Variants in ENPP2 observed in about 807,000 individuals in gnomAD.
The protein encoded by ENPP2 is ectonucleotide pyrophosphatase/phosphodiesterase 2.
Under a neutral mutation model 120.2 loss-of-function variants are expected in ENPP2, and 51 were observed. The ratio of observed to expected loss-of-function variants is 0.42; its 90% CI spans 0.34 to 0.54. The LOEUF is 0.54. Ranked by LOEUF, ENPP2 falls within the 20% of genes least tolerant of loss-of-function variation. The probability of loss-of-function intolerance (pLI) is 0.04; values close to 1 mark genes in which losing one functional copy is unlikely to be tolerated. For missense variants in ENPP2, 920 were observed against 1,066.5 expected, an observed-to-expected ratio of 0.86 and a Z score of 1.91; for synonymous variants, 365 against 366.4, an observed-to-expected ratio of 1.00 and a Z score of 0.04.
intron 3 of ENPP2, among the ~76,000 whole-genome samples, chr8:119,626,076 G>A (rs1816252639): frequency 6.6e-6 from 1 of 152,148 alleles, no homozygotes; most frequent in Non-Finnish European, 1.5e-5. Context: ...TACACAATTA[G>A]GCCAGGCACA....
chr8:119,649,766 T>G (rs1250653097), intron 1 of ENPP2, among the ~76,000 whole-genome samples: 1 of 152,176 alleles, frequency 6.6e-6, no homozygotes, highest in Non-Finnish European at 1.5e-5. Flanking sequence ...AATAGACATT[T>G]CTCCAAAGAA....
intron 11 of ENPP2, among the ~76,000 whole-genome samples, chr8:119,597,980 T>A (rs1814021741): frequency 1.3e-5 from 2 of 152,242 alleles, no homozygotes; most frequent in African/African-American, 4.8e-5. Flanking sequence ...TTTTCTTATA[T>A]GTAAAAGATA....
intron 1 of ENPP2, among the ~76,000 whole-genome samples, chr8:119,657,165 T>C (rs867084567): frequency 3.9e-5 from 6 of 152,288 alleles, no homozygotes; most frequent in Middle Eastern, 6.8e-3. Context: ...CCTCAGGTGA[T>C]CCACCCTCCT....
intron 1 of ENPP2, among the ~76,000 whole-genome samples, chr8:119,652,651 C>A (rs78236013): frequency 3.3e-5 from 5 of 152,242 alleles, no homozygotes; most frequent in Admixed American, 3.3e-4. Context: ...TATTCTCCAG[C>A]TTCCTAAGCA....
chr8:119,586,986 G>GC, intron 14 of ENPP2, 58 bp downstream of exon 14: 1 of 1,510,784 alleles, frequency 6.6e-7, no homozygotes. Context: ...CAGGAGGGAG[G>GC]CTGCTCCAGG....
In ENPP2 at chr8:119,661,533, G is replaced by T. The variant is rs556916202; in HGVS notation, c.21+11719C>A. Among the ~76,000 whole-genome samples, 4 of 152,212 alleles carry T rather than the reference G, an allele frequency of 2.6e-5. No homozygotes were observed. The East Asian group carries it at 7.8e-4, about 29-fold the overall frequency. ...AAGAAAGACAACAAGTGTTGGCAAG[G>T]GTGTGGAGAAAAGGAAACCCTTGTG... On this transcript the variant is annotated intron_variant, in intron 1 of 25. Coordinates refer to the ENPP2 transcript ENST00000427067.
chr8:119,651,691 T>C (rs2130875263), intron 1 of ENPP2, among the ~76,000 whole-genome samples: 1 of 152,302 alleles, frequency 6.6e-6, no homozygotes, highest in South Asian at 2.1e-4. Context: ...GATTAACCTT[T>C]GTTGTAAGCT....
intron 19 of ENPP2, among the ~76,000 whole-genome samples, chr8:119,574,293 G>C (rs370998755): frequency 6.6e-6 from 1 of 151,554 alleles, no homozygotes; most frequent in African/African-American, 2.4e-5. Flanking sequence ...TCTTGTTCTC[G>C]GCACACATTG....
At chr8:119,658,642 C>T (rs928720247) in intron 1 of ENPP2, among the ~76,000 whole-genome samples, 4 of 152,124 alleles carry the variant, frequency 2.6e-5, no homozygotes, top group African/African-American at 9.7e-5. Context: ...CCTTCCCTGA[C>T]CACCTTATCC....
At chr8:119,653,656 C>CCCAGTTTATGCAGGAT (rs1817687409) in intron 1 of ENPP2, among the ~76,000 whole-genome samples, 1 of 152,054 alleles carries the variant, frequency 6.6e-6, no homozygotes, top group Non-Finnish European at 1.5e-5. Context: ...TTATGCAGGA[C>CCCAGTTTATGCAGGAT]CCTACAGGCC....
intron 1 of ENPP2, among the ~76,000 whole-genome samples, chr8:119,645,221 G>A (rs568407578): frequency 3.3e-5 from 5 of 152,192 alleles, no homozygotes; most frequent in East Asian, 1.9e-4. Flanking sequence ...TCTTTCCGCC[G>A]CAGCGTGATG....
At chr8:119,641,427 A>C (rs1817284442), upstream of ENPP2, among the ~76,000 whole-genome samples, 1 of 152,260 alleles carries the variant, frequency 6.6e-6, no homozygotes, top group Non-Finnish European at 1.5e-5. Flanking sequence ...AATTATGAGA[A>C]GTTCACTTGC....
chr8:119,672,635 G>C (rs772571648), intron 1 of ENPP2, among the ~76,000 whole-genome samples: 5 of 152,160 alleles, frequency 3.3e-5, no homozygotes, highest in Admixed American at 2.6e-4. Flanking sequence ...CGTTTGAAAG[G>C]CTTGTTCAAA....
At chr8:119,672,905 A>G (rs978861019) in intron 1 of ENPP2, among the ~76,000 whole-genome samples, 1 of 152,210 alleles carries the variant, frequency 6.6e-6, no homozygotes, top group Non-Finnish European at 1.5e-5. Flanking sequence ...CCAGGAGGGC[A>G]GAGCTTGCAG....
At position 119,591,426 on chromosome 8, in the gene ENPP2, T is replaced by C. The variant is rs193081892; in HGVS notation, c.1082-796A>G. On this transcript the variant is annotated intron_variant, in intron 12 of 24. Transcript: ENST00000075322. ...GAAAATTCTTTTATTAAAATGCTTT[T>C]ATTTAAAACATTGTTGTAAACTCAA... Among the ~76,000 whole-genome samples the C allele has an allele frequency of 1.2e-4, 19 of 152,358 alleles. No individual in the cohort carries two copies. In the East Asian group the frequency reaches 3.1e-3, roughly 25 times the overall value.
rs1563705946 is a variant in ENPP2, at chr8:119,591,809, A to T, written c.1082-1179T>A. On this transcript the variant is annotated intron_variant, in intron 12 of 24. Coordinates refer to ENST00000075322, the MANE Select transcript of ENPP2 (RefSeq NM_001040092.3). ...CTTTAACAGTTAAACCCTTAGGAAG[A>T]AAAATAGAGCAATGAAGAGCTACTA... is the stretch of plus-strand genomic sequence containing the variant. 2.0e-5 allele frequency among the ~76,000 whole-genome samples: 3 copies of T among 152,224 alleles called. No individual in the cohort carries two copies. The South Asian group carries it at 6.2e-4, about 32-fold the overall frequency.
chr8:119,669,631 T>C (rs1179822456), intron 1 of ENPP2, among the ~76,000 whole-genome samples: 4 of 152,184 alleles, frequency 2.6e-5, no homozygotes, highest in Non-Finnish European at 5.9e-5. Context: ...TTCCTTTGAT[T>C]AGAGATTCCT....
At chr8:119,613,270 C>A (rs1815237229) in intron 8 of ENPP2, among the ~76,000 whole-genome samples, 1 of 152,152 alleles carries the variant, frequency 6.6e-6, no homozygotes, top group Non-Finnish European at 1.5e-5. Context: ...GCAGACTAGA[C>A]TTTAATTGAC....
chr8:119,672,123 A>G (rs1818268843), intron 1 of ENPP2, among the ~76,000 whole-genome samples: 1 of 152,144 alleles, frequency 6.6e-6, no homozygotes, highest in African/African-American at 2.4e-5. Flanking sequence ...GTGAAGGAGC[A>G]AACCGGTAGT....
Sources: allele counts gnomAD v4.1 joint callset (sites outside exome capture counted in the v4.1 genomes callset), GRCh38; gene constraint gnomAD v4.1.1; transcripts MANE v1.5; gene names NCBI Gene and HGNC (gene_info 2026-07-23, HGNC 2026-07-21).